The following ADAMTS12 variants were observed in gnomAD, a reference collection of about 807,000 sequenced individuals.
ADAMTS12 encodes the protein ADAM metallopeptidase with thrombospondin type 1 motif 12.
In ADAMTS12, 118 loss-of-function variants were observed where a neutral mutation model predicts 167.8. The observed-to-expected ratio is 0.70, with a 90% CI of 0.61 to 0.82. The LOEUF is 0.82. ADAMTS12 is among the 40% of genes least tolerant of loss of function. The probability of loss-of-function intolerance (pLI) is 0.00; values close to 1 mark genes in which losing one functional copy is unlikely to be tolerated. For missense variants in ADAMTS12, 1,916 were observed against 1,998.8 expected (o/e 0.96, Z 0.79); for synonymous variants, 704 against 716.9 (o/e 0.98, Z 0.29).
chr5:33,871,865 C>A (rs1750048138), intron 2 of ADAMTS12, among the ~76,000 whole-genome samples: 1 of 152,032 alleles, frequency 6.6e-6, no homozygotes. Flanking sequence ...TGAGAATGAA[C>A]ATTTCTCACA....
At chr5:33,808,690 G>T (rs997370291) in intron 2 of ADAMTS12, among the ~76,000 whole-genome samples, 8 of 152,198 alleles carry the variant, frequency 5.3e-5, no homozygotes, top group African/African-American at 1.9e-4. Context: ...TCATATGAAA[G>T]AACTGGGTAC....
intron 2 of ADAMTS12, among the ~76,000 whole-genome samples, chr5:33,849,638 GTATTGCATAGCAATATATA>G (rs1749137260): frequency 4.5e-5 from 5 of 110,954 alleles, no homozygotes; most frequent in South Asian, 6.5e-4. Flanking sequence ...CAATATATAT[GTATTGCATAGCAATATATA>G]GTATCTATAT....
chr5:33,746,403 T>C (rs997930943), intron 3 of ADAMTS12, among the ~76,000 whole-genome samples: 2 of 152,234 alleles, frequency 1.3e-5, no homozygotes, highest in African/African-American at 2.4e-5. Context: ...GTTAATGGTA[T>C]TATACCATTT....
chr5:33,710,054 G>A (rs951387014), intron 3 of ADAMTS12, among the ~76,000 whole-genome samples: 11 of 152,082 alleles, frequency 7.2e-5, no homozygotes, highest in Admixed American at 6.5e-5. Context: ...CTTCAAAATA[G>A]GTTTAAAATT....
At chr5:33,780,306 T>C (rs752560205) in intron 2 of ADAMTS12, among the ~76,000 whole-genome samples, 1 of 152,200 alleles carries the variant, frequency 6.6e-6, no homozygotes, top group Non-Finnish European at 1.5e-5. Flanking sequence ...ACAATTCTTA[T>C]TCTCTGAAAA....
At chr5:33,836,759 G>A (rs181543229) in intron 2 of ADAMTS12, among the ~76,000 whole-genome samples, 35 of 152,260 alleles carry the variant, frequency 2.3e-4, no homozygotes, top group African/African-American at 7.5e-4. Flanking sequence ...ACAAATGTCC[G>A]CGCCACAGAC....
At chr5:33,670,256 C>T (rs1741624467) in intron 5 of ADAMTS12, among the ~76,000 whole-genome samples, 1 of 152,064 alleles carries the variant, frequency 6.6e-6, no homozygotes, top group Non-Finnish European at 1.5e-5. Flanking sequence ...CTCAACATTA[C>T]TAGCTATCAG....
intron 2 of ADAMTS12, among the ~76,000 whole-genome samples, chr5:33,797,142 C>A (rs763702596): frequency 6.6e-6 from 1 of 152,186 alleles, no homozygotes; most frequent in East Asian, 1.9e-4. Context: ...CAACTCTTTA[C>A]ATCACGTCAA....
intron 3 of ADAMTS12, among the ~76,000 whole-genome samples, chr5:33,746,565 A>T (rs1299938235): frequency 6.6e-6 from 1 of 152,250 alleles, no homozygotes; most frequent in Non-Finnish European, 1.5e-5. Flanking sequence ...CAATAGTAAA[A>T]CATGAAAGAA....
chr5:33,750,187 CCTTTT>C (rs1744927295), intron 3 of ADAMTS12, among the ~76,000 whole-genome samples: 1 of 152,144 alleles, frequency 6.6e-6, no homozygotes, highest in Non-Finnish European at 1.5e-5. Context: ...ATATTTCATC[CCTTTT>C]CTTGGTACTT....
chr5:33,557,370 TCCTC>T (rs767992441), intron 20 of ADAMTS12, among the ~76,000 whole-genome samples: 37 of 152,326 alleles, frequency 2.4e-4, no homozygotes, highest in Non-Finnish European at 5.0e-4. Context: ...AAACCAGGGA[TCCTC>T]TTTCCTGCTC....
chr5:33,711,013 G>A (rs1324244563), intron 3 of ADAMTS12, among the ~76,000 whole-genome samples: 1 of 152,138 alleles, frequency 6.6e-6, no homozygotes, highest in Non-Finnish European at 1.5e-5. Context: ...AATAAGAATG[G>A]AAATTATGTG....
At chr5:33,656,406 T>C (rs1406804937) in intron 7 of ADAMTS12, among the ~76,000 whole-genome samples, 2 of 152,222 alleles carry the variant, frequency 1.3e-5, no homozygotes, top group Non-Finnish European at 1.5e-5. Flanking sequence ...TAGGTGGCCT[T>C]CCTTACAAAG....
intron 2 of ADAMTS12, among the ~76,000 whole-genome samples, chr5:33,774,240 A>G (rs1350939816): frequency 1.3e-5 from 2 of 152,184 alleles, no homozygotes; most frequent in African/African-American, 4.8e-5. Flanking sequence ...TAAACGAACC[A>G]GACATTCCTG....
At position 33,576,886 on chromosome 5, in the gene ADAMTS12, G is replaced by A. The variant is rs1443758745; in HGVS notation, c.3140C>T (p.Ala1047Val). ...GPESMSTSTP[A>V]ISSPSPTTAS... ...TGTGGTAGGACTAGGGCTGCTGATT[G>A]CTGGAGTGCTTGTGCTCATAGACTC... Residue 1047 changes from alanine (A) to valine (V), a missense_variant, in exon 19 of 24, where the codon GCA becomes GTA. By Grantham distance (64) the Ala-to-Val change is moderately conservative. Transcript: ENST00000504830. 2 of 1,614,056 alleles carry A rather than the reference G, an allele frequency of 1.2e-6. No homozygotes were observed. Among genetic ancestry groups the A allele is most frequent in the East Asian group, 4.5e-5 (2 of 44,894 alleles).
intron 18 of ADAMTS12, among the ~76,000 whole-genome samples, chr5:33,578,628 G>T (rs1445715988): frequency 6.6e-6 from 1 of 152,094 alleles, no homozygotes; most frequent in Non-Finnish European, 1.5e-5. Context: ...TCTCACTCAT[G>T]AGCTTCTGCA....
intron 3 of ADAMTS12, among the ~76,000 whole-genome samples, chr5:33,737,871 C>T (rs988302544): frequency 2.0e-5 from 3 of 152,198 alleles, no homozygotes; most frequent in African/African-American, 7.2e-5. Flanking sequence ...GTAGCTGTCA[C>T]TCACCCACCC....
At chr5:33,587,305 A>T (rs1029077417) in intron 18 of ADAMTS12, among the ~76,000 whole-genome samples, 12 of 152,178 alleles carry the variant, frequency 7.9e-5, no homozygotes, top group Non-Finnish European at 1.6e-4. Flanking sequence ...AATATTTTTT[A>T]AACACAAAGA....
At chr5:33,687,785 G>A (rs572499747) in intron 3 of ADAMTS12, among the ~76,000 whole-genome samples, 2 of 152,298 alleles carry the variant, frequency 1.3e-5, no homozygotes, top group South Asian at 4.1e-4. Context: ...TGGAAGAAAT[G>A]TTTCTGCTAC....
Sources: allele counts gnomAD v4.1 joint callset (sites outside exome capture counted in the v4.1 genomes callset), GRCh38; gene constraint gnomAD v4.1.1; transcripts MANE v1.5; gene names NCBI Gene and HGNC (gene_info 2026-07-23, HGNC 2026-07-21).